The following CTNNA3 variants were observed in gnomAD, a reference collection of about 807,000 sequenced individuals.
The protein encoded by CTNNA3 is catenin alpha 3, also known as catenin alpha-3.
A neutral mutation model predicts 95.7 loss-of-function variants in CTNNA3; 76 were observed. The ratio of observed to expected loss-of-function variants is 0.79; its 90% CI spans 0.66 to 0.96. CTNNA3 has a LOEUF of 0.96. Ranked by LOEUF, CTNNA3 falls within the 40% of genes least tolerant of loss-of-function variation. The probability of loss-of-function intolerance (pLI) is 0.00; values close to 1 mark genes in which losing one functional copy is unlikely to be tolerated. For synonymous variants in CTNNA3, 431 were observed against 374.4 expected (o/e 1.15, Z -1.74); for missense variants, 1,191 against 1,089.8 (o/e 1.09, Z -1.31).
intron 7 of CTNNA3, among the ~76,000 whole-genome samples, chr10:66,979,205 C>T (rs1394711077): frequency 2.0e-5 from 3 of 151,762 alleles, no homozygotes; most frequent in African/African-American, 7.3e-5. Flanking sequence ...TGACCTCTAG[C>T]GATCTGCCTG....
intron 7 of CTNNA3, among the ~76,000 whole-genome samples, chr10:66,782,562 A>C (rs1455064383): frequency 1.3e-5 from 2 of 151,974 alleles, no homozygotes; most frequent in Non-Finnish European, 2.9e-5. Flanking sequence ...TTTCCACTAT[A>C]TCTGTGAGAC....
chr10:66,081,271 T>C (rs1249320453), intron 14 of CTNNA3, among the ~76,000 whole-genome samples: 1 of 152,026 alleles, frequency 6.6e-6, no homozygotes, highest in Non-Finnish European at 1.5e-5. Context: ...AATCATCCTA[T>C]GGTGGCAAAA....
intron 1 of CTNNA3, among the ~76,000 whole-genome samples, chr10:67,727,992 T>G (rs183004910): frequency 3.3e-3 from 464 of 139,106 alleles, no homozygotes; most frequent in Non-Finnish European, 5.4e-3. Flanking sequence ...CATATATGTA[T>G]ACATGTATAT....
At chr10:66,435,277 G>A (rs1005177872) in intron 11 of CTNNA3, among the ~76,000 whole-genome samples, 1 of 151,958 alleles carries the variant, frequency 6.6e-6, no homozygotes, top group African/African-American at 2.4e-5. Context: ...GTCTGGTCCT[G>A]GGCTTTTTTT....
intron 1 of CTNNA3, among the ~76,000 whole-genome samples, chr10:67,746,034 G>A (rs935753969): frequency 3.3e-5 from 5 of 151,932 alleles, no homozygotes; most frequent in Admixed American, 6.6e-5. Flanking sequence ...AACCACTATC[G>A]AAATACCAAT....
At chr10:65,971,146 T>C (rs1187959140) in intron 16 of CTNNA3, among the ~76,000 whole-genome samples, 1 of 151,902 alleles carries the variant, frequency 6.6e-6, no homozygotes, top group Non-Finnish European at 1.5e-5. Context: ...TAAAAATCTC[T>C]AGGATGTAGC....
intron 7 of CTNNA3, among the ~76,000 whole-genome samples, chr10:67,089,051 ATG>A (rs1281261021): frequency 6.6e-6 from 1 of 152,084 alleles, no homozygotes; most frequent in African/African-American, 2.4e-5. Flanking sequence ...ATATGGGAGG[ATG>A]TGTGTGGATT....
At chr10:66,464,375 G>C (rs1245159668) in intron 11 of CTNNA3, among the ~76,000 whole-genome samples, 1 of 152,062 alleles carries the variant, frequency 6.6e-6, no homozygotes, top group Non-Finnish European at 1.5e-5. Flanking sequence ...GCTTCTTTCT[G>C]TGAGTCTTTA....
chr10:66,402,744 T>C (rs992336603), intron 11 of CTNNA3, among the ~76,000 whole-genome samples: 1 of 152,120 alleles, frequency 6.6e-6, no homozygotes, highest in East Asian at 1.9e-4. Flanking sequence ...CCAAGGAAGT[T>C]AGAGTTCCAG....
chr10:67,120,937 C>G (rs1172858289), intron 7 of CTNNA3, among the ~76,000 whole-genome samples: 1 of 151,994 alleles, frequency 6.6e-6, no homozygotes, highest in African/African-American at 2.4e-5. Context: ...GGTAGTTATC[C>G]CTTCCCAGGT....
intron 5 of CTNNA3, among the ~76,000 whole-genome samples, chr10:67,409,193 T>C (rs1158399305): frequency 6.6e-6 from 1 of 152,150 alleles, no homozygotes; most frequent in Non-Finnish European, 1.5e-5. Context: ...CTCAGAGATC[T>C]AGAGGCAGAA....
chr10:67,276,105 A>C (rs1362168086), intron 5 of CTNNA3, among the ~76,000 whole-genome samples: 1 of 152,172 alleles, frequency 6.6e-6, no homozygotes, highest in African/African-American at 2.4e-5. Flanking sequence ...AGACTTACCA[A>C]GACTGGCCAT....
intron 9 of CTNNA3, among the ~76,000 whole-genome samples, chr10:66,635,149 A>G (rs1845292026): frequency 6.6e-6 from 1 of 152,144 alleles, no homozygotes; most frequent in African/African-American, 2.4e-5. Context: ...TCACCTCAGA[A>G]TCACCACTCA....
At chr10:67,462,185 T>C (rs1025878489) in intron 5 of CTNNA3, among the ~76,000 whole-genome samples, 4 of 152,156 alleles carry the variant, frequency 2.6e-5, no homozygotes, top group Non-Finnish European at 4.4e-5. Flanking sequence ...ATTCTCTCTG[T>C]TCCCTCAATT....
intron 9 of CTNNA3, among the ~76,000 whole-genome samples, chr10:66,763,535 C>T (rs1326392688): frequency 6.6e-6 from 1 of 151,962 alleles, no homozygotes; most frequent in Non-Finnish European, 1.5e-5. Flanking sequence ...AGATATTATC[C>T]TGTCTAACTT....
intron 7 of CTNNA3, among the ~76,000 whole-genome samples, chr10:66,969,048 T>C (rs1288669580): frequency 6.6e-6 from 1 of 151,856 alleles, no homozygotes; most frequent in African/African-American, 2.4e-5. Context: ...AAATATTATA[T>C]GTAAATATAT....
chr10:66,968,370 G>GA, intron 7 of CTNNA3, among the ~76,000 whole-genome samples: 1 of 148,296 alleles, frequency 6.7e-6, no homozygotes, highest in South Asian at 2.1e-4. Context: ...AAAACACATC[G>GA]AAAAAAGATA....
chr10:66,181,152 T>C (rs961741208), intron 13 of CTNNA3, among the ~76,000 whole-genome samples: 3 of 152,190 alleles, frequency 2.0e-5, no homozygotes, highest in African/African-American at 7.2e-5. Flanking sequence ...GACTTCAAAA[T>C]GAGAAATTTA....
At chr10:67,758,206 G>T (rs1040383690) in intron 1 of CTNNA3, among the ~76,000 whole-genome samples, 1 of 151,710 alleles carries the variant, frequency 6.6e-6, no homozygotes, top group Non-Finnish European at 1.5e-5. Flanking sequence ...TCCAGCTTGC[G>T]GATGGCAGAT....
Sources: allele counts gnomAD v4.1 joint callset (sites outside exome capture counted in the v4.1 genomes callset), GRCh38; gene constraint gnomAD v4.1.1; transcripts MANE v1.5; gene names NCBI Gene and HGNC (gene_info 2026-07-23, HGNC 2026-07-21).